Variants in TENM1 observed in about 807,000 individuals in gnomAD.
TENM1 encodes teneurin transmembrane protein 1, also known as teneurin-1.
TENM1 carries 35 observed loss-of-function variants against 174.8 expected under a neutral mutation model. The observed-to-expected ratio is 0.20, with a 90% CI of 0.15 to 0.27. The LOEUF (loss-of-function observed/expected upper bound fraction) is 0.27, where lower values mean the gene tolerates loss of function less well. TENM1 is among the 10% of genes least tolerant of loss of function. TENM1 has a pLI of 1.00. For synonymous variants in TENM1, 781 were observed against 798.7 expected (o/e 0.98, Z 0.37); for missense variants, 1,633 against 2,130.1 (o/e 0.77, Z 4.59).
intron 15 of TENM1, among the ~76,000 whole-genome samples, chrX:124,545,312 G>A (rs749444638): frequency 2.7e-5 from 3 of 112,042 alleles, no homozygotes; most frequent in Non-Finnish European, 5.6e-5. Flanking sequence ...CACTCTGAGC[G>A]GCTGGCAAGT....
chrX:124,588,106 T>A (rs2049600035), intron 11 of TENM1, among the ~76,000 whole-genome samples: 1 of 111,647 alleles, frequency 9.0e-6, no homozygotes, highest in Non-Finnish European at 1.9e-5. Flanking sequence ...TGTAAACTAG[T>A]TCAACCATTG....
the TENM1 span, among the ~76,000 whole-genome samples, chrX:125,145,782 G>A: frequency 1.8e-5 from 2 of 112,065 alleles, no homozygotes; most frequent in Non-Finnish European, 3.8e-5. Flanking sequence ...TTTGATCAAG[G>A]TTGGATTTAC....
At chrX:125,031,462 T>C in the TENM1 span, among the ~76,000 whole-genome samples, 1 of 111,778 alleles carries the variant, frequency 8.9e-6, no homozygotes, top group African/African-American at 3.3e-5. Flanking sequence ...ATGTAAAAGA[T>C]TGGTAACTGA....
chrX:124,567,626 C>G (rs2030716034), intron 11 of TENM1, among the ~76,000 whole-genome samples: 1 of 111,514 alleles, frequency 9.0e-6, no homozygotes, highest in Non-Finnish European at 1.9e-5. Context: ...AGGGACTCAT[C>G]AGGTTGTGAG....
At chrX:125,032,173 A>ATT in the TENM1 span, among the ~76,000 whole-genome samples, 6 of 101,110 alleles carry the variant, frequency 5.9e-5, no homozygotes, top group African/African-American at 2.2e-4. Context: ...TTTTTAAATC[A>ATT]TTTTTTTTTT....
intron 3 of TENM1, among the ~76,000 whole-genome samples, chrX:124,810,958 T>G (rs1346163345): frequency 1.8e-5 from 2 of 111,432 alleles, no homozygotes; most frequent in African/African-American, 6.5e-5. Flanking sequence ...AAAGACAATC[T>G]CTTCAATAAA....
chrX:124,404,245 G>T (rs1174843011), intron 27 of TENM1, among the ~76,000 whole-genome samples: 1 of 111,550 alleles, frequency 9.0e-6, no homozygotes, highest in Admixed American at 9.5e-5. Context: ...TTTCCCGCAG[G>T]CTGGCAGTTG....
At chrX:124,407,452 A>G (rs1323293567) in intron 25 of TENM1, among the ~76,000 whole-genome samples, 1 of 112,567 alleles carries the variant, frequency 8.9e-6, no homozygotes, top group Non-Finnish European at 1.9e-5. Flanking sequence ...AAAATGTTAA[A>G]CAATTATATT....
chrX:124,908,986 G>C (rs1296691561), intron 1 of TENM1, among the ~76,000 whole-genome samples: 1 of 110,334 alleles, frequency 9.1e-6, no homozygotes, highest in Non-Finnish European at 1.9e-5. Context: ...AGGCTCCTGA[G>C]TAGCTGAGAT....
rs992082948 is a variant in TENM1 at position 124,786,361 on chromosome X, A to G, written c.536-49164T>C. ...TGCTCTGTTAAATTATATTTTGACT[A>G]CATGATTTAAAATAAACTTGTAGTA... On this transcript the variant is annotated intron_variant, in intron 3 of 31. Coordinates refer to ENST00000422452, the Ensembl canonical transcript of TENM1. Among the ~76,000 whole-genome samples, 5 of 111,704 alleles carry G rather than the reference A, an allele frequency of 4.5e-5. No homozygotes were observed. In the East Asian group the frequency reaches 8.4e-4, roughly 19 times the overall value.
rs773916697 is a variant in TENM1, at chrX:124,577,984, G to A, written c.2078-12424C>T. ...TCCGTTGCCCAGGCTGGAGTGCAGT[G>A]GCTAGATCATGGCTCACGGTGGCGT... On this transcript the variant is annotated intron_variant, in intron 11 of 31. Transcript: ENST00000422452. Among the ~76,000 whole-genome samples, 7 of 106,560 alleles carry A rather than the reference G, an allele frequency of 6.6e-5. No individual in the cohort carries two copies. In the East Asian group the frequency reaches 2.1e-3, roughly 31 times the overall value. The allele number at this position is 106,560 out of a possible 115,157, so 92.5% of individuals were successfully genotyped here.
In TENM1 at chrX:124,791,496, T is replaced by C. The variant is rs2055178088; in HGVS notation, c.536-54299A>G. ...GAGATTTAATTGTCTCCCATTCTTTTAATATGCATGGACAAAAAACGCTTC... is the reference window on the plus strand; with the variant it reads ...GAGATTTAATTGTCTCCCATTCTTTCAATATGCATGGACAAAAAACGCTTC... On this transcript the variant is annotated intron_variant, in intron 3 of 31. Coordinates refer to ENST00000422452, the Ensembl canonical transcript of TENM1. Among the ~76,000 whole-genome samples the C allele has an allele frequency of 2.7e-5, 3 of 112,212 alleles. No homozygotes were observed. The Admixed American group carries it at 2.9e-4, about 11-fold the overall frequency.
chrX:124,585,484 C>A (rs758092457), intron 11 of TENM1, among the ~76,000 whole-genome samples: 1,204 of 111,352 alleles, frequency 0.011, 21 homozygotes, highest in African/African-American at 0.037. Context: ...TTCTTTGAAA[C>A]CAACCAGAAC....
chrX:125,106,200 T>C, the TENM1 span, among the ~76,000 whole-genome samples: 187 of 111,376 alleles, frequency 1.7e-3, no homozygotes, highest in African/African-American at 5.8e-3. Context: ...AATCACTGTT[T>C]CCCATTATCT....
chrX:124,573,108 C>T (rs2049092084), intron 11 of TENM1, among the ~76,000 whole-genome samples: 1 of 111,197 alleles, frequency 9.0e-6, no homozygotes, highest in Non-Finnish European at 1.9e-5. Flanking sequence ...AAATATCCAT[C>T]AATGGGAAAG....
At chrX:124,858,768 C>A (rs958197835) in intron 3 of TENM1, among the ~76,000 whole-genome samples, 1 of 111,040 alleles carries the variant, frequency 9.0e-6, no homozygotes, top group African/African-American at 3.3e-5. Flanking sequence ...CATACGATAT[C>A]TGAAGCAAAG....
In TENM1 at chrX:124,463,715, A is replaced by G. The variant is rs760418310; in HGVS notation, c.3950-10224T>C. Among the ~76,000 whole-genome samples, 12 of 111,340 alleles carry G rather than the reference A, an allele frequency of 1.1e-4. No individual in the cohort carries two copies. In the South Asian group the frequency reaches 4.3e-3, roughly 40 times the overall value. Reference sequence around the variant, plus strand: ...CACAGAATCAAATAAATGAGGTTCCATGCCGTGCAACTCGCTAAGGAAGAC... The same window carrying G: ...CACAGAATCAAATAAATGAGGTTCCGTGCCGTGCAACTCGCTAAGGAAGAC... On this transcript the variant is annotated intron_variant, in intron 22 of 31. Coordinates refer to ENST00000422452, the Ensembl canonical transcript of TENM1.
At chrX:125,122,423 C>T in the TENM1 span, among the ~76,000 whole-genome samples, 20 of 111,252 alleles carry the variant, frequency 1.8e-4, no homozygotes, top group South Asian at 7.7e-4. Context: ...TAGATCATTT[C>T]GATCAATATT....
intron 5 of TENM1, among the ~76,000 whole-genome samples, chrX:124,688,998 C>T (rs965643120): frequency 9.0e-6 from 1 of 111,688 alleles, no homozygotes; most frequent in Admixed American, 9.5e-5. Context: ...CATCACATTG[C>T]GTACCTTAAA....
Sources: allele counts gnomAD v4.1 joint callset (sites outside exome capture counted in the v4.1 genomes callset), GRCh38; gene constraint gnomAD v4.1.1; transcripts MANE v1.5; gene names NCBI Gene and HGNC (gene_info 2026-07-23, HGNC 2026-07-21).